The following ZDHHC3 variants were observed in gnomAD, a reference collection of about 807,000 sequenced individuals.
The protein encoded by ZDHHC3 is palmitoyltransferase ZDHHC3.
In ZDHHC3, 9 loss-of-function variants were observed where a neutral mutation model predicts 30.6. That is an observed-to-expected ratio of 0.29 (90% CI 0.18 to 0.51). The LOEUF is 0.51. ZDHHC3 is among the 20% of genes least tolerant of loss of function. The pLI, the probability that ZDHHC3 is intolerant of heterozygous loss-of-function variation, is 0.97. For synonymous variants in ZDHHC3, 136 were observed against 140.2 expected (o/e 0.97, Z 0.21); for missense variants, 246 against 384.2 (o/e 0.64, Z 3.01).
intron 2 of ZDHHC3, among the ~76,000 whole-genome samples, chr3:44,947,925 T>A (rs1355362245): frequency 6.6e-6 from 1 of 152,222 alleles, no homozygotes; most frequent in East Asian, 1.9e-4. Flanking sequence ...TGTGCCATCC[T>A]GGGAACTCTG....
rs1700125598 is a variant in ZDHHC3 at position 44,915,803 on chromosome 3, GCAAA to G, written c.*10882_*10885del. 1 of 152,256 alleles carries G rather than the reference GCAAA, an allele frequency of 6.6e-6. No homozygotes were observed. Among genetic ancestry groups the G allele is most frequent in the African/African-American group, 2.4e-5 (1 of 41,442 alleles). The allele number at this position is 152,256 out of a possible 1,614,324, so 9.4% of individuals were successfully genotyped here. On this transcript the variant is annotated 3_prime_UTR_variant, in exon 7 of 7. Coordinates refer to ENST00000424952, the MANE Select transcript of ZDHHC3 (RefSeq NM_001135179.2). ...GAACTCACCATGGAAACCCATGTCAGCAAACAGTGACCAGCAAATCCTCTTCCCT... is the reference window on the plus strand; with the variant it reads ...GAACTCACCATGGAAACCCATGTCAGCAGTGACCAGCAAATCCTCTTCCCT...
intron 1 of ZDHHC3, chr3:44,975,255 G>T (rs1218248442): frequency 6.6e-6 from 1 of 152,170 alleles, no homozygotes; most frequent in East Asian, 1.9e-4. Context: ...TCACCTTGCA[G>T]ATATCCTCTC....
In ZDHHC3 at chr3:44,922,156, T is replaced by C. The variant is rs1259388734; in HGVS notation, c.*4533A>G. The C allele has an allele frequency of 3.0e-6, 3 of 985,298 alleles. No homozygotes were observed. The highest frequency in any genetic ancestry group is 3.6e-6 in the Non-Finnish European group (3 of 829,938). The allele number at this position is 985,298 out of a possible 1,614,324, so 61.0% of individuals were successfully genotyped here. On this transcript the variant is annotated 3_prime_UTR_variant, in exon 7 of 7. Coordinates refer to ENST00000424952, the MANE Select transcript of ZDHHC3 (RefSeq NM_001135179.2). ...TGTGAATTCTTTCTCTTCTATGAGG[T>C]GATCCTAAGCCAGATACATATTTAA...
In ZDHHC3 at chr3:44,925,463, C is replaced by T. The variant is rs1700905475; in HGVS notation, c.*1226G>A. The T allele has an allele frequency of 1.1e-5, 11 of 985,462 alleles. No homozygotes were observed. In the South Asian group the frequency reaches 5.2e-4, roughly 46 times the overall value. The allele number at this position is 985,462 out of a possible 1,614,324, so 61.0% of individuals were successfully genotyped here. On this transcript the variant is annotated 3_prime_UTR_variant, in exon 7 of 7. Coordinates refer to ENST00000424952, the MANE Select transcript of ZDHHC3 (RefSeq NM_001135179.2). Reference sequence around the variant, plus strand: ...GGAGGGCACTCCCTACCTCCTTCACCTCTATCCACCATCACCACCTCCTTC... The same window carrying T: ...GGAGGGCACTCCCTACCTCCTTCACTTCTATCCACCATCACCACCTCCTTC...
rs531981217 is a variant in ZDHHC3, at chr3:44,964,044, T to C, written c.-24-4584A>G. 1.5e-4 allele frequency among the ~76,000 whole-genome samples: 23 copies of C among 152,306 alleles called. No individual in the cohort carries two copies. The South Asian group carries it at 4.4e-3, about 29-fold the overall frequency. On this transcript the variant is annotated intron_variant, in intron 1 of 6. Coordinates refer to ENST00000424952, the MANE Select transcript of ZDHHC3 (RefSeq NM_001135179.2). ...TAACACTAGTCTTATTTGCTTTTTT[T>C]CCACCAACCTGCAAGTCTCATTTTA...
At chr3:44,937,725 C>G in intron 3 of ZDHHC3, 1 of 236,538 alleles carries the variant, frequency 4.2e-6, no homozygotes, top group Non-Finnish European at 8.7e-6. Context: ...CTGAGGAACA[C>G]CAGGAGTGAA....
intron 5 of ZDHHC3, among the ~76,000 whole-genome samples, chr3:44,932,094 A>G (rs1321055389): frequency 6.6e-6 from 1 of 152,112 alleles, no homozygotes; most frequent in African/African-American, 2.4e-5. Context: ...AAATATCCTA[A>G]TTGGACTCCC....
chr3:44,920,422 A>ATTTTTT lies in ZDHHC3; in HGVS notation c.*6266_*6267insAAAAAA. 1.6e-6 allele frequency: 2 copies of ATTTTTT among 1,268,576 alleles called. No individual in the cohort carries two copies. The highest frequency in any genetic ancestry group is 2.1e-6 in the Non-Finnish European group (2 of 974,206). 78.6% of individuals were successfully genotyped at this position (1,268,576 alleles called of 1,614,324 possible). A position where few individuals can be genotyped will look rare whatever the true frequency, so the allele number is the denominator to read the frequency against. On this transcript the variant is annotated 3_prime_UTR_variant, in exon 7 of 7. Transcript: ENST00000424952. ...ACCCGGCTACAGAGGAAACACCCAA[A>ATTTTTT]AATGACAGACTGGCTGCATCCACAC...
chr3:44,943,822 AAAGT>A (rs1559685008), intron 3 of ZDHHC3, among the ~76,000 whole-genome samples: 1 of 152,076 alleles, frequency 6.6e-6, no homozygotes, highest in Non-Finnish European at 1.5e-5. Flanking sequence ...CCTGGGCAAC[AAAGT>A]GAGACTGTGT....
chr3:44,937,290 A>C (rs1313820547), intron 3 of ZDHHC3, among the ~76,000 whole-genome samples: 1 of 152,016 alleles, frequency 6.6e-6, no homozygotes, highest in Non-Finnish European at 1.5e-5. Context: ...ACAAAAATAA[A>C]AAAATTAGCC....
At chr3:44,970,889 C>T (rs966712908) in intron 1 of ZDHHC3, among the ~76,000 whole-genome samples, 19 of 152,104 alleles carry the variant, frequency 1.2e-4, no homozygotes, top group Admixed American at 6.5e-5. Flanking sequence ...ATCCAGGATC[C>T]ATTCTGAGTT....
intron 2 of ZDHHC3, among the ~76,000 whole-genome samples, chr3:44,946,293 G>A (rs916778554): frequency 2.6e-5 from 4 of 152,186 alleles, no homozygotes; most frequent in Non-Finnish European, 4.4e-5. Context: ...AATACTTAGC[G>A]TTCTTTAGAG....
At chr3:44,971,768 T>A (rs572507613) in intron 1 of ZDHHC3, among the ~76,000 whole-genome samples, 2 of 152,256 alleles carry the variant, frequency 1.3e-5, no homozygotes, top group Non-Finnish European at 2.9e-5. Context: ...TTTACCCATG[T>A]ATTACTAGCA....
chr3:44,967,591 T>C (rs1310964958), intron 1 of ZDHHC3, among the ~76,000 whole-genome samples: 1 of 152,122 alleles, frequency 6.6e-6, no homozygotes, highest in Non-Finnish European at 1.5e-5. Flanking sequence ...GTTACAAACA[T>C]TGGAAATCCG....
In ZDHHC3 at chr3:44,927,027, G is replaced by A. The variant is rs187786667; in HGVS notation, c.742-180C>T. Among the ~76,000 whole-genome samples the A allele has an allele frequency of 9.1e-4, 138 of 152,096 alleles. 2 individuals carry two copies. The highest frequency in any genetic ancestry group is 3.3e-3 in the African/African-American group (135 of 41,502). On this transcript the variant is annotated intron_variant, in intron 6 of 6. Transcript: ENST00000424952. ...TAAAAAAATTTCTCCTTTTTTTGGT[G>A]GGCACTCATTCACAAGTCCCTCCAA...
intron 2 of ZDHHC3, among the ~76,000 whole-genome samples, chr3:44,950,613 C>T (rs1319554605): frequency 6.6e-6 from 1 of 152,252 alleles, no homozygotes; most frequent in African/African-American, 2.4e-5. Flanking sequence ...CACCTGAGCC[C>T]ACCTCTCAGA....
rs867335339 is a variant in ZDHHC3, at chr3:44,959,319, G to A, written c.118C>T (p.Arg40Cys). 11 of 1,614,146 alleles carry A rather than the reference G, an allele frequency of 6.8e-6. No individual in the cohort carries two copies. Among genetic ancestry groups the A allele is most frequent in the Admixed American group, 1.7e-5 (1 of 60,012 alleles). The change falls in exon 2 of 7, where the codon CGT (arginine) becomes TGT (cysteine). Residue 40 changes from arginine to cysteine, a missense_variant. Physicochemically the swap from Arg to Cys is radical, Grantham distance 180. Coordinates refer to ENST00000424952, the MANE Select transcript of ZDHHC3 (RefSeq NM_001135179.2). This position sits in a 1 kb window ranked among gnomAD's most constrained non-coding sequence, Gnocchi z 4.3. ...GCACAGGCGATGCCACAGCCGTCAC[G>A]GATAAACCACATGGTTCCCACAGGA... Reference protein sequence around the residue: ...PGPVGTMWFIRDGCGIACAIV... With the variant: ...PGPVGTMWFICDGCGIACAIV...
intron 1 of ZDHHC3, among the ~76,000 whole-genome samples, chr3:44,960,910 A>G (rs1044261817): frequency 6.6e-6 from 1 of 152,250 alleles, no homozygotes; most frequent in Non-Finnish European, 1.5e-5. Context: ...CAGACATTCT[A>G]GAGTCGAAAG....
intron 1 of ZDHHC3, among the ~76,000 whole-genome samples, chr3:44,963,246 C>A (rs932723227): frequency 6.6e-6 from 1 of 152,128 alleles, no homozygotes; most frequent in Non-Finnish European, 1.5e-5. Context: ...TTCCCATGAC[C>A]CTCACTGGTG....
Sources: allele counts gnomAD v4.1 joint callset (sites outside exome capture counted in the v4.1 genomes callset), GRCh38; gene constraint gnomAD v4.1.1; non-coding constraint Gnocchi (gnomAD v3.1); transcripts MANE v1.5; gene names NCBI Gene and HGNC (gene_info 2026-07-23, HGNC 2026-07-21).